LRP2: variants seen among roughly 807,000 people sequenced by gnomAD.
LRP2 encodes the protein LDL receptor related protein 2.
LRP2 carries 172 observed loss-of-function variants against 531.0 expected under a neutral mutation model. The ratio of observed to expected loss-of-function variants is 0.32; its 90% CI spans 0.29 to 0.37. LRP2 has a LOEUF of 0.37. Ranked by LOEUF, LRP2 falls within the 10% of genes least tolerant of loss-of-function variation. LRP2 has a pLI of 1.00. For synonymous variants in LRP2, 1,992 were observed against 2,027.6 expected (o/e 0.98, Z 0.47); for missense variants, 5,167 against 5,868.3 (o/e 0.88, Z 3.90).
At chr2:169,155,940 T>C (rs1686314171) in intron 65 of LRP2, among the ~76,000 whole-genome samples, 1 of 152,180 alleles carries the variant, frequency 6.6e-6, no homozygotes, top group Admixed American at 6.5e-5. Flanking sequence ...CAAGCTTTTG[T>C]TATTGTTTGA....
chr2:169,129,759 G>A (rs73028998), intron 77 of LRP2, among the ~76,000 whole-genome samples: 4,676 of 152,186 alleles, frequency 0.031, 232 homozygotes, highest in African/African-American at 0.1. Flanking sequence ...TTACTCAGGG[G>A]ACCCAGAGGC....
At chr2:169,303,180 G>A (rs1684328341) in intron 4 of LRP2, among the ~76,000 whole-genome samples, 1 of 151,954 alleles carries the variant, frequency 6.6e-6, no homozygotes, top group Admixed American at 6.6e-5. Flanking sequence ...TGCTTCTTTT[G>A]TATATGTTAA....
At chr2:169,346,655 A>C (rs1414773201) in intron 1 of LRP2, among the ~76,000 whole-genome samples, 1 of 152,222 alleles carries the variant, frequency 6.6e-6, no homozygotes, top group Non-Finnish European at 1.5e-5. Flanking sequence ...CCTGGGCAAC[A>C]TAGTGAGACC....
chr2:169,286,273 A>C (rs1434818580), intron 9 of LRP2, among the ~76,000 whole-genome samples: 1 of 152,264 alleles, frequency 6.6e-6, no homozygotes, highest in African/African-American at 2.4e-5. Flanking sequence ...CCTCAAATGT[A>C]GACTTTTGAG....
chr2:169,271,430 G>T (rs1422301363), intron 15 of LRP2, among the ~76,000 whole-genome samples: 1 of 151,862 alleles, frequency 6.6e-6, no homozygotes, highest in Non-Finnish European at 1.5e-5. Context: ...GAGTTAACGG[G>T]TGCAGCACAC....
At chr2:169,309,765 T>G (rs1390942488) in intron 3 of LRP2, among the ~76,000 whole-genome samples, 1 of 152,182 alleles carries the variant, frequency 6.6e-6, no homozygotes, top group Non-Finnish European at 1.5e-5. Flanking sequence ...GTGAAGAAAG[T>G]CATTGGTAGC....
intron 76 of LRP2, among the ~76,000 whole-genome samples, chr2:169,135,119 T>C (rs942661389): frequency 6.6e-6 from 1 of 152,128 alleles, no homozygotes; most frequent in South Asian, 2.1e-4. Context: ...CATAACCTCT[T>C]CCATGTAGGT....
chr2:169,306,393 G>A (rs1367889565), intron 4 of LRP2, among the ~76,000 whole-genome samples: 1 of 152,112 alleles, frequency 6.6e-6, no homozygotes, highest in African/African-American at 2.4e-5. Context: ...AATTAGTCGG[G>A]CGTGGTGGCG....
At chr2:169,160,685 A>AAAAAAAAAAAAACAAAAAAAAAC (rs970862922) in intron 63 of LRP2, among the ~76,000 whole-genome samples, 972 of 94,248 alleles carry the variant, frequency 0.01, 8 homozygotes, top group Middle Eastern at 0.049. Flanking sequence ...ATTTCCTTAA[A>AAAAAAAAAAAAACAAAAAAAAAC]AAAAAAAAAA....
intron 1 of LRP2, among the ~76,000 whole-genome samples, chr2:169,321,960 T>C (rs1559074375): frequency 6.6e-6 from 1 of 152,210 alleles, no homozygotes; most frequent in Non-Finnish European, 1.5e-5. Flanking sequence ...CCAAGCATTA[T>C]GTGCCACATA....
intron 44 of LRP2, among the ~76,000 whole-genome samples, chr2:169,200,134 C>T (rs545132975): frequency 6.6e-6 from 1 of 152,158 alleles, no homozygotes; most frequent in Non-Finnish European, 1.5e-5. Context: ...GCCTGTAGTC[C>T]CAGCTACCCG....
At chr2:169,266,525 T>C (rs1243077771) in intron 16 of LRP2, among the ~76,000 whole-genome samples, 3 of 152,094 alleles carry the variant, frequency 2.0e-5, no homozygotes, top group African/African-American at 7.2e-5. Flanking sequence ...GAGCAATATA[T>C]GAACCGCATA....
intron 3 of LRP2, among the ~76,000 whole-genome samples, chr2:169,317,464 C>A (rs1318061731): frequency 2.0e-5 from 3 of 151,966 alleles, no homozygotes; most frequent in Non-Finnish European, 4.4e-5. Context: ...TTTATGCAAT[C>A]AAGAAAGGCC....
At chr2:169,141,170 A>T (rs1685706422) in intron 71 of LRP2, among the ~76,000 whole-genome samples, 1 of 152,146 alleles carries the variant, frequency 6.6e-6, no homozygotes, top group Non-Finnish European at 1.5e-5. Flanking sequence ...CTTAATAAGT[A>T]TAGGTTACAT....
At position 169,362,316 on chromosome 2, in the gene LRP2, C is replaced by T; in HGVS notation, c.79+5G>A. On this transcript the variant is annotated splice_donor_5th_base_variant and intron_variant, in intron 1 of 78. Coordinates refer to ENST00000649046, the MANE Select transcript of LRP2 (RefSeq NM_004525.3). ...CTCCACGAGAGGCTCTGGCTGGGCT[C>T]TTACCTTGGCCACTGGCCGGCGCTA... is the stretch of plus-strand genomic sequence containing the variant. The T allele has an allele frequency of 6.4e-7, 1 of 1,557,834 alleles. No homozygotes were observed. Among genetic ancestry groups the T allele is most frequent in the Non-Finnish European group, 8.7e-7 (1 of 1,151,524 alleles).
At chr2:169,157,169 C>G (rs918750167) in intron 64 of LRP2, among the ~76,000 whole-genome samples, 1 of 152,134 alleles carries the variant, frequency 6.6e-6, no homozygotes, top group African/African-American at 2.4e-5. Flanking sequence ...ATCTGACAAG[C>G]ACTCAGGTAG....
intron 23 of LRP2, 32 bp from the exon 24 acceptor site, chr2:169,243,104 A>T (rs1689869380): frequency 1.3e-6 from 2 of 1,512,468 alleles, no homozygotes; most frequent in Non-Finnish European, 1.8e-6. Flanking sequence ...ATTAGAAATT[A>T]GCTCAGGGCT....
chr2:169,257,322 A>T (rs1286567390), intron 17 of LRP2, 73 bp from the exon 18 acceptor site: 2 of 1,496,272 alleles, frequency 1.3e-6, no homozygotes, highest in Non-Finnish European at 1.9e-6. Flanking sequence ...ATTTAGAACA[A>T]ACAGAGATTC....
intron 1 of LRP2, among the ~76,000 whole-genome samples, chr2:169,341,959 A>T (rs982969877): frequency 1.6e-4 from 24 of 152,160 alleles, no homozygotes; most frequent in African/African-American, 5.8e-4. Flanking sequence ...AAGCCCAGAC[A>T]ATTCTTTGTA....
Sources: allele counts gnomAD v4.1 joint callset (sites outside exome capture counted in the v4.1 genomes callset), GRCh38; gene constraint gnomAD v4.1.1; transcripts MANE v1.5; gene names NCBI Gene and HGNC (gene_info 2026-07-23, HGNC 2026-07-21).